Variants in AKT3 observed in about 807,000 individuals in gnomAD.
AKT3 encodes AKT serine/threonine kinase 3.
In AKT3, 15 loss-of-function variants were observed where a neutral mutation model predicts 65.3. That is an observed-to-expected ratio of 0.23 (90% confidence interval 0.15 to 0.35). The LOEUF (loss-of-function observed/expected upper bound fraction) is 0.35, where lower values mean the gene tolerates loss of function less well. AKT3 is among the 10% of genes least tolerant of loss of function. The pLI is 1.00. For synonymous variants in AKT3, 206 were observed against 183.8 expected, an observed-to-expected ratio of 1.12 and a Z score of -0.98; for missense variants, 243 against 576.5, an observed-to-expected ratio of 0.42 and a Z score of 5.92.
At chr1:243,529,407 C>T (rs1671372758) in intron 12 of AKT3, among the ~76,000 whole-genome samples, 1 of 152,008 alleles carries the variant, frequency 6.6e-6, no homozygotes, top group African/African-American at 2.4e-5. Context: ...TCTTATATGG[C>T]ATTTTTTATA....
At chr1:243,526,953 A>G (rs970572581) in intron 12 of AKT3, among the ~76,000 whole-genome samples, 2 of 152,112 alleles carry the variant, frequency 1.3e-5, no homozygotes, top group Non-Finnish European at 2.9e-5. Flanking sequence ...ATGGAAGTGT[A>G]TACTTTAAAG....
intron 8 of AKT3, among the ~76,000 whole-genome samples, chr1:243,585,521 T>A (rs1426594059): frequency 1.3e-5 from 2 of 152,056 alleles, no homozygotes; most frequent in African/African-American, 4.8e-5. Flanking sequence ...CAAAACAGCA[T>A]GGTACTGTAA....
chr1:243,513,704 G>A (rs1375770175), intron 12 of AKT3, among the ~76,000 whole-genome samples: 4 of 152,142 alleles, frequency 2.6e-5, no homozygotes, highest in Non-Finnish European at 5.9e-5. Flanking sequence ...CTATTCTAAG[G>A]TCTTCATGAT....
chr1:243,666,681 C>A (rs1439198656), intron 3 of AKT3, among the ~76,000 whole-genome samples: 2 of 152,178 alleles, frequency 1.3e-5, no homozygotes, highest in East Asian at 1.9e-4. Flanking sequence ...CATTCCAATA[C>A]AACCATCGTA....
At chr1:243,566,658 C>T (rs550953452) in intron 9 of AKT3, among the ~76,000 whole-genome samples, 1 of 152,038 alleles carries the variant, frequency 6.6e-6, no homozygotes. Flanking sequence ...ACTGTGTGAC[C>T]TTGGGCATAT....
chr1:243,682,929 T>C (rs1264413927), intron 3 of AKT3, among the ~76,000 whole-genome samples: 2 of 152,224 alleles, frequency 1.3e-5, no homozygotes, highest in African/African-American at 4.8e-5. Context: ...CATGTATTAA[T>C]TGCAAAACTC....
intron 1 of AKT3, among the ~76,000 whole-genome samples, chr1:243,849,537 A>ACGGCT (rs910905405): frequency 1.7e-4 from 26 of 151,202 alleles, no homozygotes; most frequent in Non-Finnish European, 3.2e-4. Flanking sequence ...CGCGCGGCAG[A>ACGGCT]CGGCTCCCTC....
chr1:243,762,920 A>C (rs192441357), intron 2 of AKT3, among the ~76,000 whole-genome samples: 14 of 152,182 alleles, frequency 9.2e-5, no homozygotes, highest in Non-Finnish European at 1.9e-4. Flanking sequence ...TTATGAAAGC[A>C]AAAAATTGAT....
chr1:243,751,583 C>T (rs1372635308), intron 2 of AKT3, among the ~76,000 whole-genome samples: 1 of 152,032 alleles, frequency 6.6e-6, no homozygotes, highest in Non-Finnish European at 1.5e-5. Context: ...GCTATGAGGC[C>T]CTGGCAAATC....
chr1:243,496,153 T>C (rs1429364363), downstream of AKT3, among the ~76,000 whole-genome samples: 7 of 152,106 alleles, frequency 4.6e-5, no homozygotes, highest in East Asian at 1.9e-4. Flanking sequence ...TTTGTACAGA[T>C]AGAAAAATAA....
At chr1:243,818,677 T>C (rs1558841726) in intron 2 of AKT3, among the ~76,000 whole-genome samples, 2 of 152,100 alleles carry the variant, frequency 1.3e-5, no homozygotes, top group African/African-American at 4.8e-5. Flanking sequence ...AATTTGATAA[T>C]TTTATTCAGC....
At chr1:243,508,021 G>A (rs1465941232) in intron 13 of AKT3, among the ~76,000 whole-genome samples, 2 of 152,212 alleles carry the variant, frequency 1.3e-5, no homozygotes, top group Non-Finnish European at 2.9e-5. Flanking sequence ...AAGCAAGGTG[G>A]CAAGTGGGAA....
chr1:243,730,232 A>AC (rs1687463475), intron 2 of AKT3, among the ~76,000 whole-genome samples: 1 of 151,772 alleles, frequency 6.6e-6, no homozygotes, highest in Non-Finnish European at 1.5e-5. Context: ...GCCCATAAAA[A>AC]CCCCAGCTTC....
intron 2 of AKT3, among the ~76,000 whole-genome samples, chr1:243,704,460 T>C (rs184444220): frequency 1.9e-4 from 29 of 152,238 alleles, no homozygotes; most frequent in Non-Finnish European, 3.8e-4. Context: ...TAAGTGAAAA[T>C]TTCTCCCATT....
chr1:243,665,381 T>C (rs1026378308), intron 3 of AKT3, among the ~76,000 whole-genome samples: 1 of 152,214 alleles, frequency 6.6e-6, no homozygotes, highest in Non-Finnish European at 1.5e-5. Context: ...ACAGTATTAC[T>C]TATCATTTTA....
At chr1:243,839,482 T>C (rs1695102916) in intron 2 of AKT3, among the ~76,000 whole-genome samples, 4 of 152,248 alleles carry the variant, frequency 2.6e-5, no homozygotes, top group Admixed American at 2.6e-4. Context: ...GTGATGTTTC[T>C]TTTATTGCCA....
At chr1:243,713,876 G>C (rs1686318183) in intron 2 of AKT3, among the ~76,000 whole-genome samples, 2 of 150,592 alleles carry the variant, frequency 1.3e-5, no homozygotes, top group Non-Finnish European at 1.5e-5. Flanking sequence ...CCTTAACAAA[G>C]CCCTGTGAAT....
intron 2 of AKT3, among the ~76,000 whole-genome samples, chr1:243,729,834 AT>A (rs982438431): frequency 5.9e-5 from 9 of 152,192 alleles, no homozygotes; most frequent in African/African-American, 2.2e-4. Flanking sequence ...TATATTTTTC[AT>A]TTTCCCTAAT....
At chr1:243,849,852 C>G (rs1034519471) in intron 1 of AKT3, among the ~76,000 whole-genome samples, 188 bp downstream of exon 1, 1 of 151,940 alleles carries the variant, frequency 6.6e-6, no homozygotes, top group Admixed American at 6.5e-5. Flanking sequence ...CACCCACACC[C>G]GAAGCCTCCG....
Sources: allele counts gnomAD v4.1 joint callset (sites outside exome capture counted in the v4.1 genomes callset), GRCh38; gene constraint gnomAD v4.1.1; transcripts MANE v1.5; gene names NCBI Gene and HGNC (gene_info 2026-07-23, HGNC 2026-07-21).